The following EYS variants were observed in gnomAD, a reference collection of about 807,000 sequenced individuals.
EYS encodes the protein EGF-like photoreceptor maintenance factor, also known as protein eyes shut homolog.
A neutral mutation model predicts 282.1 loss-of-function variants in EYS; 250 were observed. The ratio of observed to expected loss-of-function variants is 0.89; its 90% CI spans 0.80 to 0.98. The LOEUF (loss-of-function observed/expected upper bound fraction) is 0.98, where lower values mean the gene tolerates loss of function less well. Ranked by LOEUF, EYS falls within the 50% of genes least tolerant of loss-of-function variation. EYS has a pLI of 0.00. For missense variants in EYS, 4,016 were observed against 3,709.0 expected (o/e 1.08, Z -2.15); for synonymous variants, 1,355 against 1,282.9 (o/e 1.06, Z -1.20).
At chr6:64,926,962 T>C (rs1025530559) in intron 15 of EYS, among the ~76,000 whole-genome samples, 2 of 152,156 alleles carry the variant, frequency 1.3e-5, no homozygotes, top group African/African-American at 2.4e-5. Context: ...GAAAGCAGAG[T>C]TATATTTTCT....
intron 29 of EYS, among the ~76,000 whole-genome samples, chr6:64,323,837 A>T (rs1770307834): frequency 6.6e-6 from 1 of 152,126 alleles, no homozygotes; most frequent in Non-Finnish European, 1.5e-5. Context: ...GTATCCATCC[A>T]GATCTCCCTC....
At chr6:65,630,602 C>T (rs747009419) in intron 2 of EYS, among the ~76,000 whole-genome samples, 1 of 152,166 alleles carries the variant, frequency 6.6e-6, no homozygotes, top group Non-Finnish European at 1.5e-5. Context: ...ATACATTTGA[C>T]AGAACTTCTA....
intron 33 of EYS, among the ~76,000 whole-genome samples, chr6:64,064,310 T>C (rs1351090540): frequency 6.6e-6 from 1 of 152,086 alleles, no homozygotes; most frequent in Non-Finnish European, 1.5e-5. Flanking sequence ...ATTTGTTAAA[T>C]GAATATATGA....
intron 5 of EYS, among the ~76,000 whole-genome samples, chr6:65,414,348 C>T (rs1397396169): frequency 6.6e-6 from 1 of 152,094 alleles, no homozygotes; most frequent in African/African-American, 2.4e-5. Context: ...CATGATTTCA[C>T]ATTTTCAAAA....
intron 37 of EYS, among the ~76,000 whole-genome samples, chr6:63,791,030 A>G (rs1383417887): frequency 6.6e-6 from 1 of 152,172 alleles, no homozygotes; most frequent in Non-Finnish European, 1.5e-5. Context: ...AGGAGGAGAT[A>G]GGAGGTTTGT....
intron 28 of EYS, among the ~76,000 whole-genome samples, chr6:64,394,602 C>T (rs961079441): frequency 6.6e-6 from 1 of 151,544 alleles, no homozygotes; most frequent in African/African-American, 2.4e-5. Context: ...AACTGGATCC[C>T]TTCCTTACAC....
At chr6:64,184,398 AGT>A (rs1562242648) in intron 31 of EYS, among the ~76,000 whole-genome samples, 2 of 152,280 alleles carry the variant, frequency 1.3e-5, no homozygotes, top group Non-Finnish European at 2.9e-5. Context: ...CTTTTTCAAA[AGT>A]AAAGTAGGTA....
At chr6:63,806,091 G>A (rs1357359105) in intron 37 of EYS, 99 bp downstream of exon 37, 1 of 1,049,648 alleles carries the variant, frequency 9.5e-7, no homozygotes, top group South Asian at 1.8e-5. Context: ...TCTAGGCAAA[G>A]GTCTTTTTTT....
chr6:65,066,141 C>T (rs1561948691), intron 12 of EYS, among the ~76,000 whole-genome samples: 2 of 152,218 alleles, frequency 1.3e-5, no homozygotes, highest in East Asian at 1.9e-4. Flanking sequence ...TTCTGGATCC[C>T]ACAGAGATTC....
intron 28 of EYS, among the ~76,000 whole-genome samples, chr6:64,413,566 C>CA (rs549260594): frequency 1.3e-4 from 15 of 116,536 alleles, no homozygotes; most frequent in South Asian, 2.8e-4. Flanking sequence ...AACAAAAACC[C>CA]AAAAAAAAAC....
intron 14 of EYS, among the ~76,000 whole-genome samples, chr6:64,981,167 A>G (rs1311164870): frequency 6.6e-6 from 1 of 151,454 alleles, no homozygotes; most frequent in Non-Finnish European, 1.5e-5. Flanking sequence ...TGGGTTTTAT[A>G]GATTCAAAGA....
Position 64,746,295 on chromosome 6 carries a change from T to C in EYS, c.3443+67083A>G, listed in dbSNP as rs573782024. Among the ~76,000 whole-genome samples, 15 of 152,098 alleles carry C rather than the reference T, an allele frequency of 9.9e-5. No homozygotes were observed. The South Asian group carries it at 3.1e-3, about 32-fold the overall frequency. Reference sequence around the variant, plus strand: ...TTAATACTATTGTCAAGGTTCATTATCTCAAGAATGAGTTCCTTATGAAAA... The same window carrying C: ...TTAATACTATTGTCAAGGTTCATTACCTCAAGAATGAGTTCCTTATGAAAA... On this transcript the variant is annotated intron_variant, in intron 22 of 42. Transcript: ENST00000503581.
intron 2 of EYS, among the ~76,000 whole-genome samples, chr6:65,629,427 G>A (rs1013601620): frequency 2.0e-5 from 3 of 152,080 alleles, no homozygotes; most frequent in East Asian, 1.9e-4. Context: ...ACTAGATATC[G>A]ACCATTTGCA....
intron 21 of EYS, among the ~76,000 whole-genome samples, chr6:64,819,089 C>T (rs1021185614): frequency 4.6e-5 from 7 of 152,072 alleles, no homozygotes; most frequent in African/African-American, 1.7e-4. Context: ...GCCTCTTTAG[C>T]CTTGAAAAAC....
chr6:65,256,340 A>C (rs1442681281), intron 12 of EYS, among the ~76,000 whole-genome samples: 5 of 140,636 alleles, frequency 3.6e-5, no homozygotes, highest in African/African-American at 1.4e-4. Context: ...ACATATGTAT[A>C]CATGTGCCAT....
At chr6:63,903,137 T>C (rs1296734193) in intron 35 of EYS, among the ~76,000 whole-genome samples, 3 of 152,050 alleles carry the variant, frequency 2.0e-5, no homozygotes, top group Non-Finnish European at 4.4e-5. Context: ...GCTTTACAGG[T>C]GTAGGTGCAG....
intron 31 of EYS, among the ~76,000 whole-genome samples, chr6:64,158,812 C>T (rs569428314): frequency 1.3e-5 from 2 of 152,252 alleles, no homozygotes; most frequent in Admixed American, 6.5e-5. Context: ...ATCATTCTGA[C>T]TTCTGCTATG....
At chr6:63,936,522 T>C (rs1297670343) in intron 35 of EYS, among the ~76,000 whole-genome samples, 1 of 152,222 alleles carries the variant, frequency 6.6e-6, no homozygotes, top group Non-Finnish European at 1.5e-5. Flanking sequence ...ATGGCTCTGC[T>C]TATCCTACAC....
At chr6:64,390,933 G>C (rs1316067284) in intron 28 of EYS, among the ~76,000 whole-genome samples, 2 of 151,036 alleles carry the variant, frequency 1.3e-5, no homozygotes, top group Non-Finnish European at 3.0e-5. Context: ...GCTTAAAGGA[G>C]CTGATGGAGC....
Sources: gnomAD v4.1 joint callset for allele counts (sites outside exome capture counted in the v4.1 genomes callset) on GRCh38, gnomAD v4.1.1 for gene constraint, MANE v1.5 for transcripts, NCBI Gene and HGNC (gene_info 2026-07-23, HGNC 2026-07-21) for gene names.